GLIS3: variants seen among roughly 807,000 people sequenced by gnomAD.
GLIS3 encodes zinc finger protein GLIS3.
Under a neutral mutation model 78.6 loss-of-function variants are expected in GLIS3, and 53 were observed. The observed-to-expected ratio is 0.67, with a 90% CI of 0.54 to 0.85. The LOEUF (loss-of-function observed/expected upper bound fraction) is 0.85, where lower values mean the gene tolerates loss of function less well. Ranked by LOEUF, GLIS3 falls within the 40% of genes least tolerant of loss-of-function variation. GLIS3 has a pLI of 0.00. For missense variants in GLIS3, 1,703 were observed against 1,231.1 expected, an observed-to-expected ratio of 1.38 and a Z score of -5.74; for synonymous variants, 684 against 509.9, an observed-to-expected ratio of 1.34 and a Z score of -4.60.
At chr9:3,893,860 T>A (rs1427191286) in intron 7 of GLIS3, among the ~76,000 whole-genome samples, 1 of 152,188 alleles carries the variant, frequency 6.6e-6, no homozygotes, top group Non-Finnish European at 1.5e-5. Flanking sequence ...TCCAGGTGAT[T>A]TGATGCATAC....
intron 2 of GLIS3, among the ~76,000 whole-genome samples, chr9:4,236,369 C>G (rs1006578222): frequency 2.0e-5 from 3 of 152,060 alleles, no homozygotes; most frequent in Non-Finnish European, 4.4e-5. Context: ...TTAAATAGTT[C>G]CTGCTCCAAA....
intron 2 of GLIS3, among the ~76,000 whole-genome samples, 185 bp from the exon 3 acceptor site, chr9:4,126,126 GA>G (rs774497869): frequency 5.3e-5 from 8 of 151,876 alleles, no homozygotes; most frequent in Non-Finnish European, 1.2e-4. Context: ...CGCTATAATA[GA>G]AACCTTTCCA....
rs372337591 is a variant in GLIS3, at chr9:4,050,241, T to C, written c.1710+67527A>G. Among the ~76,000 whole-genome samples, 18 of 152,272 alleles carry C rather than the reference T, an allele frequency of 1.2e-4. No individual in the cohort carries two copies. In the East Asian group the frequency reaches 2.9e-3, roughly 24 times the overall value. On this transcript the variant is annotated intron_variant, in intron 4 of 10. Transcript: ENST00000381971. ...GACTGGATTAAGAAAATGTGGCACA[T>C]ATACCCCATGGAATACTATGCAGCC... is the stretch of plus-strand genomic sequence containing the variant.
chr9:4,417,628 G>A, the GLIS3 span, among the ~76,000 whole-genome samples: 4 of 152,100 alleles, frequency 2.6e-5, no homozygotes, highest in Admixed American at 2.6e-4. Flanking sequence ...CATCTGTAGG[G>A]CGAATATCTT....
At chr9:3,985,929 T>C (rs941685164) in intron 4 of GLIS3, among the ~76,000 whole-genome samples, 3 of 152,202 alleles carry the variant, frequency 2.0e-5, no homozygotes, top group African/African-American at 7.2e-5. Flanking sequence ...ATAAACTACA[T>C]AGTTTGTTCT....
intron 3 of GLIS3, 81 bp downstream of exon 3, chr9:4,125,653 T>TGC (rs1335523824): frequency 7.7e-6 from 7 of 906,656 alleles, no homozygotes; most frequent in African/African-American, 6.5e-5. Context: ...TGTGTGTGTG[T>TGC]GTATTCAGAA....
chr9:4,154,613 A>G (rs1428283943), intron 2 of GLIS3, among the ~76,000 whole-genome samples: 1 of 151,988 alleles, frequency 6.6e-6, no homozygotes, highest in Non-Finnish European at 1.5e-5. Context: ...AATCAATGAT[A>G]AACATTCATG....
intron 4 of GLIS3, chr9:4,071,593 AATGCT>A (rs1207653576): frequency 6.6e-6 from 1 of 152,206 alleles, no homozygotes; most frequent in Non-Finnish European, 1.5e-5. Flanking sequence ...ATATCTGCTA[AATGCT>A]AAGGAAAAGA....
chr9:4,257,826 G>T (rs1825125917), intron 2 of GLIS3, among the ~76,000 whole-genome samples: 1 of 152,090 alleles, frequency 6.6e-6, no homozygotes, highest in Admixed American at 6.5e-5. Flanking sequence ...GCCCGCCTCT[G>T]CCTCCCAAAG....
At chr9:4,224,326 A>G (rs919868485) in intron 2 of GLIS3, among the ~76,000 whole-genome samples, 3 of 152,226 alleles carry the variant, frequency 2.0e-5, no homozygotes, top group Admixed American at 1.3e-4. Flanking sequence ...GCTTGCTAAC[A>G]AACTGTGACT....
chr9:4,320,192 T>G (rs1275176175), intron 2 of GLIS3, among the ~76,000 whole-genome samples: 1 of 152,162 alleles, frequency 6.6e-6, no homozygotes, highest in Non-Finnish European at 1.5e-5. Flanking sequence ...GTCAACAAAT[T>G]CCCTTCCATT....
At chr9:4,180,126 A>T (rs1008690519) in intron 2 of GLIS3, among the ~76,000 whole-genome samples, 1 of 152,080 alleles carries the variant, frequency 6.6e-6, no homozygotes, top group African/African-American at 2.4e-5. Context: ...AGAGTCAGTG[A>T]GGGGCAGTGA....
In GLIS3 at chr9:3,851,267, A is replaced by G. The variant is rs535036571; in HGVS notation, c.2473+4742T>C. ...GCAACATTCTGAAGCTTGTCTGGGC[A>G]AGAGAAGTGTCCTAAGGAGAAAGAA... On this transcript the variant is annotated intron_variant, in intron 9 of 10. Transcript: ENST00000381971. 6.6e-5 allele frequency among the ~76,000 whole-genome samples: 10 copies of G among 152,324 alleles called. No homozygotes were observed. The South Asian group carries it at 1.0e-3, about 16-fold the overall frequency.
At position 4,076,678 on chromosome 9, in the gene GLIS3, T is replaced by C. The variant is rs535188344; in HGVS notation, c.1710+41090A>G. On this transcript the variant is annotated intron_variant, in intron 4 of 10. Transcript: ENST00000381971. ...CTTTAAAAATGTGAATTTAAATATG[T>C]ACTAAAAAATGAATGTTTCTGTGAT... is the stretch of plus-strand genomic sequence containing the variant. Among the ~76,000 whole-genome samples, 8 of 152,328 alleles carry C rather than the reference T, an allele frequency of 5.3e-5. No homozygotes were observed. In the South Asian group the frequency reaches 1.7e-3, roughly 32 times the overall value.
intron 2 of GLIS3, among the ~76,000 whole-genome samples, chr9:4,157,653 C>A (rs905803410): frequency 5.3e-5 from 8 of 152,158 alleles, no homozygotes; most frequent in African/African-American, 1.9e-4. Context: ...CTTAAATATT[C>A]AATCCACATT....
At chr9:4,390,855 C>T in the GLIS3 span, among the ~76,000 whole-genome samples, 1 of 152,146 alleles carries the variant, frequency 6.6e-6, no homozygotes, top group African/African-American at 2.4e-5. Flanking sequence ...TCATGTATGA[C>T]CCAAAGCAGT....
At chr9:3,953,780 T>C (rs1484105190) in intron 4 of GLIS3, among the ~76,000 whole-genome samples, 5 of 39,070 alleles carry the variant, frequency 1.3e-4, no homozygotes, top group African/African-American at 4.0e-4. Flanking sequence ...TCTCTCTCTC[T>C]CTCTCTCTCT....
intron 4 of GLIS3, among the ~76,000 whole-genome samples, chr9:4,041,142 C>G (rs549803048): frequency 6.6e-6 from 1 of 152,322 alleles, no homozygotes; most frequent in East Asian, 1.9e-4. Flanking sequence ...CTTTAAAACA[C>G]TGTTTCTCAA....
At chr9:3,932,929 A>G (rs1010253150) in intron 5 of GLIS3, 12 of 310,136 alleles carry the variant, frequency 3.9e-5, no homozygotes, top group Middle Eastern at 7.0e-4. Context: ...CTGATTCAGA[A>G]AGAGAAAGGG....
Sources: allele counts gnomAD v4.1 joint callset (sites outside exome capture counted in the v4.1 genomes callset), GRCh38; gene constraint gnomAD v4.1.1; transcripts MANE v1.5; gene names NCBI Gene and HGNC (gene_info 2026-07-23, HGNC 2026-07-21).